HUNK: variants seen among roughly 807,000 people sequenced by gnomAD.
HUNK encodes the protein hormonally up-regulated Neu-associated kinase.
Under a neutral mutation model 61.0 loss-of-function variants are expected in HUNK, and 21 were observed. The ratio of observed to expected loss-of-function variants is 0.34; its 90% CI spans 0.24 to 0.50. HUNK has a LOEUF of 0.50. Ranked by LOEUF, HUNK falls within the 20% of genes least tolerant of loss-of-function variation. HUNK has a pLI of 0.98. For synonymous variants in HUNK, 371 were observed against 386.1 expected (o/e 0.96, Z 0.46); for missense variants, 772 against 945.7 (o/e 0.82, Z 2.41).
Position 31,995,892 on chromosome 21 carries a change from A to G in HUNK, c.1430A>G (p.Asn477Ser). Residue 477 changes from asparagine to serine, a missense_variant, in exon 10 of 11, where the codon AAC (asparagine) becomes AGC (serine). Physicochemically the swap from Asn to Ser is conservative, Grantham distance 46. Transcript: ENST00000270112. ...PSGSLMTQIQ[N>S]TKALLKDRKA... ...GGCTCGCTTATGACACAGATTCAGA[A>G]CACCAAAGCCCTCCTGAAGGACCGG... The G allele has an allele frequency of 2.5e-6, 4 of 1,614,146 alleles. No homozygotes were observed. Among genetic ancestry groups the G allele is most frequent in the Non-Finnish European group, 2.5e-6 (3 of 1,180,002 alleles).
Position 31,883,845 on chromosome 21 carries a change from G to C in HUNK, c.261+9910G>C, listed in dbSNP as rs918811956. Among the ~76,000 whole-genome samples the C allele has an allele frequency of 3.3e-5, 5 of 152,210 alleles. 1 individual carries two copies. The highest frequency in any genetic ancestry group is 2.6e-4 in the Admixed American group (4 of 15,274). On this transcript the variant is annotated intron_variant, in intron 1 of 10. Coordinates refer to ENST00000270112, the MANE Select transcript of HUNK (RefSeq NM_014586.2). Reference sequence around the variant, plus strand: ...ATGGAAGTCTGCAGATTACTGGGCTGAGGGTTTGGGTCACCTTGGTTTGTT... The same window carrying C: ...ATGGAAGTCTGCAGATTACTGGGCTCAGGGTTTGGGTCACCTTGGTTTGTT...
intron 10 of HUNK, among the ~76,000 whole-genome samples, chr21:31,997,027 G>A (rs1035938334): frequency 1.3e-5 from 2 of 152,192 alleles, no homozygotes; most frequent in Admixed American, 6.5e-5. Flanking sequence ...TTTCATTTCG[G>A]TGCCTGTGTG....
At chr21:31,985,845 G>A (rs1018753147) in intron 8 of HUNK, among the ~76,000 whole-genome samples, 6 of 152,184 alleles carry the variant, frequency 3.9e-5, no homozygotes, top group African/African-American at 1.4e-4. Flanking sequence ...CTCTCCGTCA[G>A]TGACACTGCA....
chr21:31,920,645 A>G (rs77935314), intron 1 of HUNK, among the ~76,000 whole-genome samples: 2,605 of 152,276 alleles, frequency 0.017, 76 homozygotes, highest in African/African-American at 0.06. Flanking sequence ...TTAGTTTAGC[A>G]TCCCTTGAAC....
chr21:31,978,991 G>T (rs567808770), intron 7 of HUNK, among the ~76,000 whole-genome samples: 6 of 151,970 alleles, frequency 3.9e-5, no homozygotes, highest in Non-Finnish European at 7.4e-5. Flanking sequence ...CCAACATGTG[G>T]TATCTTCCAT....
At chr21:31,952,021 C>A in intron 4 of HUNK, among the ~76,000 whole-genome samples, 1 of 80,432 alleles carries the variant, frequency 1.2e-5, no homozygotes, top group Non-Finnish European at 2.7e-5. Flanking sequence ...TTATAAAGTA[C>A]GAGATTTTTT....
Position 31,991,071 on chromosome 21 carries a change from T to C in HUNK, c.1305+895T>C, listed in dbSNP as rs368555720. On this transcript the variant is annotated intron_variant, in intron 9 of 10. Transcript: ENST00000270112. ...TTTATCAGAATCCCTTTAGATCACATTGGTTCTTGCTATGCGGAATTGGCT... is the reference window on the plus strand; with the variant it reads ...TTTATCAGAATCCCTTTAGATCACACTGGTTCTTGCTATGCGGAATTGGCT... 2.2e-4 allele frequency among the ~76,000 whole-genome samples: 33 copies of C among 152,318 alleles called. No individual in the cohort carries two copies. The East Asian group carries it at 5.6e-3, about 26-fold the overall frequency.
chr21:31,944,744 C>A (rs557364979), intron 3 of HUNK, among the ~76,000 whole-genome samples: 2 of 152,266 alleles, frequency 1.3e-5, no homozygotes, highest in African/African-American at 4.8e-5. Context: ...GGTTTGCTTG[C>A]CATTCCCTCT....
At chr21:31,951,035 C>T (rs939054064) in intron 4 of HUNK, among the ~76,000 whole-genome samples, 1 of 151,846 alleles carries the variant, frequency 6.6e-6, no homozygotes, top group South Asian at 2.1e-4. Flanking sequence ...GCTAGTGAAG[C>T]CATAATTAAC....
intron 4 of HUNK, among the ~76,000 whole-genome samples, chr21:31,947,589 G>C (rs2052818167): frequency 6.6e-6 from 1 of 152,214 alleles, no homozygotes; most frequent in Non-Finnish European, 1.5e-5. Context: ...GGAATTGGTT[G>C]GTCTGGTTCA....
At chr21:31,913,621 G>A (rs1031667324) in intron 1 of HUNK, among the ~76,000 whole-genome samples, 3 of 151,972 alleles carry the variant, frequency 2.0e-5, no homozygotes, top group Admixed American at 1.3e-4. Context: ...GATTATCCAG[G>A]TGGAGATGGC....
chr21:31,887,719 G>C (rs764295474), intron 1 of HUNK, among the ~76,000 whole-genome samples: 1 of 152,230 alleles, frequency 6.6e-6, no homozygotes, highest in Non-Finnish European at 1.5e-5. Flanking sequence ...CGTGAACACA[G>C]AGCGTGGTGC....
At chr21:31,958,448 G>A (rs1356624078) in intron 4 of HUNK, among the ~76,000 whole-genome samples, 16 of 151,984 alleles carry the variant, frequency 1.1e-4, no homozygotes, top group African/African-American at 2.4e-5. Context: ...ACAGGCGCCC[G>A]CCACCACGCC....
At chr21:31,874,468 A>G (rs2123783132) in intron 1 of HUNK, among the ~76,000 whole-genome samples, 1 of 151,980 alleles carries the variant, frequency 6.6e-6, no homozygotes, top group East Asian at 2.0e-4. Context: ...TCCGGCAGCT[A>G]GGGAATGTTT....
At chr21:31,966,487 C>A (rs2052967186) in intron 5 of HUNK, among the ~76,000 whole-genome samples, 1 of 152,136 alleles carries the variant, frequency 6.6e-6, no homozygotes, top group African/African-American at 2.4e-5. Flanking sequence ...ACCTGGTAAC[C>A]TCTTCAACAG....
chr21:31,944,085 C>A (rs2123829828), intron 3 of HUNK, among the ~76,000 whole-genome samples: 1 of 152,340 alleles, frequency 6.6e-6, no homozygotes, highest in East Asian at 1.9e-4. Context: ...TTGTCCCTCC[C>A]ACCTTTCTTT....
chr21:31,907,376 A>C (rs989611799), intron 1 of HUNK, among the ~76,000 whole-genome samples: 2 of 152,172 alleles, frequency 1.3e-5, no homozygotes, highest in African/African-American at 4.8e-5. Context: ...AGTTAATTTC[A>C]CCTGTGTCCT....
In HUNK at chr21:31,917,753, CACA is replaced by C. The variant is rs1568924814; in HGVS notation, c.262-6714_262-6712del. Among the ~76,000 whole-genome samples, 296 of 144,310 alleles carry C rather than the reference CACA, an allele frequency of 2.1e-3. 3 individuals carry two copies. Among genetic ancestry groups the C allele is most frequent in the Middle Eastern group, 3.5e-3 (1 of 284 alleles). 94.7% of individuals were successfully genotyped at this position (144,310 alleles called of 152,430 possible). A position where few individuals can be genotyped will look rare whatever the true frequency, so the allele number is the denominator to read the frequency against. On this transcript the variant is annotated intron_variant, in intron 1 of 10. Coordinates refer to ENST00000270112, the MANE Select transcript of HUNK (RefSeq NM_014586.2). ...ACACACACACACACACACACACACA[CACA>C]CCCCTGGACTGAATTGGGAGTTCCC... is the stretch of plus-strand genomic sequence containing the variant.
intron 1 of HUNK, among the ~76,000 whole-genome samples, chr21:31,922,263 C>T (rs534582994): frequency 9.2e-5 from 14 of 151,936 alleles, no homozygotes; most frequent in Non-Finnish European, 1.9e-4. Context: ...GTGATCCACC[C>T]GCCTTGGCCT....
Sources: gnomAD v4.1 joint callset for allele counts (sites outside exome capture counted in the v4.1 genomes callset) on GRCh38, gnomAD v4.1.1 for gene constraint, MANE v1.5 for transcripts, NCBI Gene and HGNC (gene_info 2026-07-23, HGNC 2026-07-21) for gene names.